The following VASP variants were observed in gnomAD, a reference collection of about 807,000 sequenced individuals.
The protein encoded by VASP is vasodilator-stimulated phosphoprotein.
VASP carries 27 observed loss-of-function variants against 54.4 expected under a neutral mutation model. That is an observed-to-expected ratio of 0.50 (90% CI 0.37 to 0.68). The LOEUF is 0.68. VASP is among the 30% of genes least tolerant of loss of function. The pLI is 0.00. For missense variants in VASP, 488 were observed against 528.3 expected (o/e 0.92, Z 0.75); for synonymous variants, 233 against 209.8 (o/e 1.11, Z -0.96).
At chr19:45,523,404 TG>T (rs1331069965) in intron 7 of VASP, among the ~76,000 whole-genome samples, 1 of 151,908 alleles carries the variant, frequency 6.6e-6, no homozygotes, top group Non-Finnish European at 1.5e-5. Context: ...GATTTCACCA[TG>T]TTGGCCAGGC....
intron 1 of VASP, among the ~76,000 whole-genome samples, chr19:45,514,745 TGAGGCC>T (rs1157334225): frequency 6.6e-6 from 1 of 151,978 alleles, no homozygotes; most frequent in African/African-American, 2.4e-5. Context: ...CAGGTGTGGG[TGAGGCC>T]GAGGCCTTAA....
chr19:45,522,478 C>T lies in VASP; in HGVS notation c.617C>T (p.Pro206Leu). The T allele has an allele frequency of 2.0e-6, 3 of 1,473,956 alleles. No homozygotes were observed. The highest frequency in any genetic ancestry group is 2.7e-6 in the Non-Finnish European group (3 of 1,115,058). The allele number at this position is 1,473,956 out of a possible 1,614,324, so 91.3% of individuals were successfully genotyped here. Residue 206 changes from proline (P) to leucine (L), a missense_variant, in exon 6 of 13, where the codon CCT (proline) becomes CTT (leucine). Around this residue, in one of 4 missense-constraint regions of VASP, gnomAD observed 226 missense variants for 196.0 expected, o/e 1.15. Transcript: ENST00000245932. ...CACGGAGCAGGGGGAGGACCACCCC[C>T]TGCACCCCCTCTCCCGGCAGCACAG... ...AAHGAGGGPP[P>L]APPLPAAQGP...
Position 45,524,157 on chromosome 19 carries a change from C to T in VASP, c.956+15C>T. The T allele has an allele frequency of 6.2e-7, 1 of 1,612,882 alleles. No individual in the cohort carries two copies. The highest frequency in any genetic ancestry group is 8.5e-7 in the Non-Finnish European group (1 of 1,179,978). ...ACCTTGCCAAGGTAGGCCATCGGTC[C>T]TGGGGCCCTTGGGGAGGTAAAGGCG... is the stretch of plus-strand genomic sequence containing the variant. On this transcript the variant is annotated intron_variant, in intron 10 of 12. Transcript: ENST00000245932.
intron 3 of VASP, among the ~76,000 whole-genome samples, chr19:45,519,785 C>T (rs112734548): frequency 0.03 from 4,370 of 147,742 alleles, 231 homozygotes; most frequent in African/African-American, 0.11. Context: ...TTAGTAGAGA[C>T]GGGATTTCAC....
chr19:45,510,551 C>T lies in VASP; in HGVS notation c.5+2775C>T, dbSNP rs11882171. Among the ~76,000 whole-genome samples the T allele has an allele frequency of 9.1e-3, 1,388 of 152,166 alleles. 17 individuals are homozygous for T. The highest frequency in any genetic ancestry group is 0.032 in the African/African-American group (1,318 of 41,500). On this transcript the variant is annotated intron_variant, in intron 1 of 12. Coordinates refer to ENST00000245932, the MANE Select transcript of VASP (RefSeq NM_003370.4). ...CCTCATGGCAGTTCGAACAATGATA[C>T]TATTACAACCTTGTGGCCTCCCCAC...
chr19:45,524,065 CCTGA>C, intron 9 of VASP, 28 bp from the exon 10 acceptor site: 1 of 1,613,908 alleles, frequency 6.2e-7, no homozygotes, highest in Non-Finnish European at 8.5e-7. Context: ...GTCTTTTGTC[CCTGA>C]TCTTTCTGAT....
chr19:45,521,274 A>T, intron 3 of VASP, 48 bp from the exon 4 acceptor site: 1 of 1,512,176 alleles, frequency 6.6e-7, no homozygotes. Context: ...CCAAGAGCTG[A>T]GCAGAGTTCT....
intron 3 of VASP, among the ~76,000 whole-genome samples, chr19:45,519,720 C>G (rs375362044): frequency 2.0e-5 from 3 of 150,582 alleles, no homozygotes; most frequent in African/African-American, 7.4e-5. Context: ...CTCAGCCTCC[C>G]GAGTAGCTGG....
At position 45,515,143 on chromosome 19, in the gene VASP, A is replaced by T. The variant is rs183025586; in HGVS notation, c.6-2520A>T. Reference sequence around the variant, plus strand: ...TCCCTACCCACAGCTGAGTCTGCCTAGGGACTTTCCCTGCCCTGACTTCCC... The same window carrying T: ...TCCCTACCCACAGCTGAGTCTGCCTTGGGACTTTCCCTGCCCTGACTTCCC... On this transcript the variant is annotated intron_variant, in intron 1 of 12. Coordinates refer to ENST00000245932, the MANE Select transcript of VASP (RefSeq NM_003370.4). Among the ~76,000 whole-genome samples the T allele has an allele frequency of 3.9e-5, 6 of 152,226 alleles. No homozygotes were observed. In the East Asian group the frequency reaches 5.8e-4, roughly 15 times the overall value.
intron 1 of VASP, among the ~76,000 whole-genome samples, chr19:45,508,670 C>G (rs185512802): frequency 1.6e-4 from 25 of 152,336 alleles, no homozygotes; most frequent in Middle Eastern, 3.4e-3. Flanking sequence ...GGCCCCTCCC[C>G]CTTTGCTCAC....
chr19:45,526,223 C>CT lies in VASP; in HGVS notation c.*47dup, dbSNP rs1968966251. On this transcript the variant is annotated 3_prime_UTR_variant, in exon 13 of 13. Coordinates refer to ENST00000245932, the MANE Select transcript of VASP (RefSeq NM_003370.4). ...CGCTTCTCCTTTCCGCACACCCGGCCTGTCACCCTGCTTTCCCTGCCTCTA... is the reference window on the plus strand; with the variant it reads ...CGCTTCTCCTTTCCGCACACCCGGCCTTGTCACCCTGCTTTCCCTGCCTCTA... 1.3e-6 allele frequency: 2 copies of CT among 1,579,364 alleles called. No individual in the cohort carries two copies. The highest frequency in any genetic ancestry group is 1.7e-6 in the Non-Finnish European group (2 of 1,168,216).
intron 4 of VASP, 79 bp from the exon 5 acceptor site, chr19:45,522,089 G>A: frequency 6.3e-7 from 1 of 1,595,438 alleles, no homozygotes; most frequent in Non-Finnish European, 8.5e-7. Context: ...CTCTGAGAGA[G>A]AGGACGGAGG....
At chr19:45,524,805 T>TAC in intron 11 of VASP, 145 bp downstream of exon 11, 6 of 730,690 alleles carry the variant, frequency 8.2e-6, no homozygotes, top group South Asian at 5.0e-5. Flanking sequence ...GGGTCAAGGA[T>TAC]GACCGAGACT....
At chr19:45,519,884 T>G (rs1227310035) in intron 3 of VASP, among the ~76,000 whole-genome samples, 2 of 131,932 alleles carry the variant, frequency 1.5e-5, no homozygotes, top group African/African-American at 2.9e-5. Context: ...CGTGAGCCAC[T>G]GCGCCCGGCC....
chr19:45,521,368 G>A lies in VASP; in HGVS notation c.390G>A (p.Pro130=), dbSNP rs749888236. 63 of 1,582,438 alleles carry A rather than the reference G, an allele frequency of 4.0e-5. No homozygotes were observed. The highest frequency in any genetic ancestry group is 2.5e-4 in the Admixed American group (14 of 55,052). The change falls in exon 4 of 13, where the codon CCG becomes CCA. Residue 130 remains proline, a synonymous_variant. Coordinates refer to ENST00000245932, the MANE Select transcript of VASP (RefSeq NM_003370.4). ...PPPALPTWSV[P]NGPSPEEVEQ... is the part of the protein sequence containing the mutation. Reference sequence around the variant, plus strand: ...CAGCACTTCCCACCTGGTCGGTCCCGAACGGCCCCTCCCCGGAGGAGGTGG... The same window carrying A: ...CAGCACTTCCCACCTGGTCGGTCCCAAACGGCCCCTCCCCGGAGGAGGTGG...
intron 1 of VASP, among the ~76,000 whole-genome samples, chr19:45,514,716 C>A (rs571413506): frequency 6.6e-6 from 1 of 152,142 alleles, no homozygotes; most frequent in Non-Finnish European, 1.5e-5. Context: ...TGGCCAGAGT[C>A]GGCCCTGGGT....
intron 1 of VASP, among the ~76,000 whole-genome samples, chr19:45,514,112 T>C (rs1968654755): frequency 6.6e-6 from 1 of 151,990 alleles, no homozygotes; most frequent in Non-Finnish European, 1.5e-5. Context: ...GGGTGACATC[T>C]AAGGAGAGAC....
intron 3 of VASP, among the ~76,000 whole-genome samples, chr19:45,520,964 G>C (rs1031323353): frequency 6.6e-6 from 1 of 152,084 alleles, no homozygotes; most frequent in East Asian, 1.9e-4. Context: ...ACTCTGTCTC[G>C]AAACAAACCA....
At chr19:45,513,200 A>C (rs1057122716) in intron 1 of VASP, among the ~76,000 whole-genome samples, 1 of 152,046 alleles carries the variant, frequency 6.6e-6, no homozygotes, top group African/African-American at 2.4e-5. Context: ...ACCCAGGCTG[A>C]CTGAGAAATG....
Sources: gnomAD v4.1 joint callset for allele counts (sites outside exome capture counted in the v4.1 genomes callset) on GRCh38, gnomAD v4.1.1 for gene constraint, gnomAD v4.1.1 regional missense constraint, MANE v1.5 for transcripts, NCBI Gene and HGNC (gene_info 2026-07-23, HGNC 2026-07-21) for gene names.